HCRTR2: variants seen among roughly 807,000 people sequenced by gnomAD.
The protein encoded by HCRTR2 is orexin receptor type 2.
A neutral mutation model predicts 49.0 loss-of-function variants in HCRTR2; 22 were observed. The observed-to-expected ratio is 0.45, with a 90% CI of 0.32 to 0.64. The LOEUF is 0.64. HCRTR2 is among the 30% of genes least tolerant of loss of function. HCRTR2 has a pLI of 0.04. For missense variants in HCRTR2, 491 were observed against 559.4 expected (o/e 0.88, Z 1.23); for synonymous variants, 236 against 205.3 (o/e 1.15, Z -1.28).
chr6:55,257,950 A>G (rs1165220588), intron 3 of HCRTR2, among the ~76,000 whole-genome samples: 2 of 152,028 alleles, frequency 1.3e-5, no homozygotes. Flanking sequence ...TATTTTTAAG[A>G]AAAAATAATT....
intron 1 of HCRTR2, among the ~76,000 whole-genome samples, chr6:55,200,733 T>C (rs1765498785): frequency 6.6e-6 from 1 of 152,218 alleles, no homozygotes; most frequent in Admixed American, 6.5e-5. Flanking sequence ...TGATGCTTCT[T>C]GTCTGCAATT....
intron 1 of HCRTR2, among the ~76,000 whole-genome samples, chr6:55,217,414 T>G (rs1167734333): frequency 6.6e-6 from 1 of 152,178 alleles, no homozygotes; most frequent in East Asian, 1.9e-4. Flanking sequence ...TGCTCCTGAA[T>G]TGGCCAAAAG....
intron 1 of HCRTR2, among the ~76,000 whole-genome samples, chr6:55,179,230 C>T (rs1209151999): frequency 6.6e-6 from 1 of 151,926 alleles, no homozygotes; most frequent in Non-Finnish European, 1.5e-5. Flanking sequence ...GTTTGTAAAC[C>T]CATCCTTACC....
chr6:55,126,522 T>C (rs1764280651), intron 1 of HCRTR2, among the ~76,000 whole-genome samples: 1 of 152,152 alleles, frequency 6.6e-6, no homozygotes, highest in South Asian at 2.1e-4. Context: ...AGCTCTCCTG[T>C]ATGAGGTGTC....
At chr6:55,255,073 T>C in intron 2 of HCRTR2, 63 bp from the exon 3 acceptor site, 2 of 1,569,882 alleles carry the variant, frequency 1.3e-6, no homozygotes, top group Non-Finnish European at 1.7e-6. Context: ...ATAGTAAATA[T>C]ATTAAGAGTA....
chr6:55,250,040 T>A (rs1429297224), intron 2 of HCRTR2, among the ~76,000 whole-genome samples: 1 of 152,142 alleles, frequency 6.6e-6, no homozygotes, highest in Non-Finnish European at 1.5e-5. Context: ...CAAAGAGATA[T>A]TTAGTTCAAT....
intron 1 of HCRTR2, among the ~76,000 whole-genome samples, chr6:55,136,324 G>A (rs541494084): frequency 6.6e-4 from 101 of 152,204 alleles, no homozygotes; most frequent in African/African-American, 2.2e-3. Flanking sequence ...TACTAGAGCC[G>A]CAGTATGATT....
downstream of HCRTR2, among the ~76,000 whole-genome samples, chr6:55,283,321 A>G (rs1767232662): frequency 6.6e-6 from 1 of 152,184 alleles, no homozygotes; most frequent in Non-Finnish European, 1.5e-5. Context: ...ATGTTGACAG[A>G]GTGCAAGGCA....
chr6:55,142,394 G>C (rs1376894576), intron 1 of HCRTR2, among the ~76,000 whole-genome samples: 7 of 145,860 alleles, frequency 4.8e-5, no homozygotes, highest in Non-Finnish European at 7.5e-5. Flanking sequence ...ATTTTTAATA[G>C]AGAGGGGATT....
At chr6:55,181,590 C>G (rs759538661) in intron 1 of HCRTR2, among the ~76,000 whole-genome samples, 1 of 152,102 alleles carries the variant, frequency 6.6e-6, no homozygotes, top group Non-Finnish European at 1.5e-5. Context: ...TCCATATTCT[C>G]TCTCAGTTAT....
At chr6:55,148,784 A>G (rs1764627332) in intron 1 of HCRTR2, among the ~76,000 whole-genome samples, 1 of 152,138 alleles carries the variant, frequency 6.6e-6, no homozygotes, top group Non-Finnish European at 1.5e-5. Context: ...GCATTTGAAG[A>G]GGGATAGATC....
chr6:55,256,772 T>G (rs1038842367), intron 3 of HCRTR2, among the ~76,000 whole-genome samples: 8 of 152,098 alleles, frequency 5.3e-5, no homozygotes, highest in African/African-American at 1.7e-4. Flanking sequence ...CATTTAATGC[T>G]CAAACACCAC....
chr6:55,277,187 T>C (rs1022452016), intron 4 of HCRTR2, among the ~76,000 whole-genome samples, 193 bp from the exon 5 acceptor site: 3 of 152,138 alleles, frequency 2.0e-5, no homozygotes, highest in Non-Finnish European at 4.4e-5. Context: ...CCACACAAAC[T>C]CCTATTTGGT....
chr6:55,122,765 C>T (rs1469528469), intron 1 of HCRTR2, among the ~76,000 whole-genome samples: 3 of 152,046 alleles, frequency 2.0e-5, no homozygotes. Context: ...GACACATGTA[C>T]ACCATGGAAT....
chr6:55,126,276 T>C (rs1479430295), intron 1 of HCRTR2, among the ~76,000 whole-genome samples: 2 of 152,192 alleles, frequency 1.3e-5, no homozygotes, highest in Non-Finnish European at 2.9e-5. Context: ...TGGTCTTTGA[T>C]GTGGGTGACC....
intron 4 of HCRTR2, among the ~76,000 whole-genome samples, chr6:55,271,415 T>C (rs1465794618): frequency 6.6e-6 from 1 of 152,114 alleles, no homozygotes; most frequent in Non-Finnish European, 1.5e-5. Context: ...TAGATTTATA[T>C]GTAAGAGCTA....
chr6:55,147,406 C>G (rs1350151661), intron 1 of HCRTR2, among the ~76,000 whole-genome samples: 1 of 152,134 alleles, frequency 6.6e-6, no homozygotes, highest in African/African-American at 2.4e-5. Context: ...TATGCATACA[C>G]ACAGCTATTT....
At chr6:55,132,276 A>T (rs1167078392) in intron 1 of HCRTR2, among the ~76,000 whole-genome samples, 1 of 151,912 alleles carries the variant, frequency 6.6e-6, no homozygotes, top group African/African-American at 2.4e-5. Context: ...TCTTTCATAA[A>T]ATGCACACAT....
chr6:55,245,557 C>G (rs1238604602), intron 1 of HCRTR2, among the ~76,000 whole-genome samples: 3 of 146,952 alleles, frequency 2.0e-5, no homozygotes, highest in Non-Finnish European at 4.5e-5. Flanking sequence ...AGATCTCAAA[C>G]TGTCTTAATA....
Sources: gnomAD v4.1 joint callset for allele counts (sites outside exome capture counted in the v4.1 genomes callset) on GRCh38, gnomAD v4.1.1 for gene constraint, MANE v1.5 for transcripts, NCBI Gene and HGNC (gene_info 2026-07-23, HGNC 2026-07-21) for gene names.